TECPR2: variants seen among roughly 807,000 people sequenced by gnomAD.
The protein encoded by TECPR2 is tectonin beta-propeller repeat containing 2, also known as tectonin beta-propeller repeat-containing protein 2.
Under a neutral mutation model 138.1 loss-of-function variants are expected in TECPR2, and 65 were observed. That is an observed-to-expected ratio of 0.47 (90% CI 0.39 to 0.58). The LOEUF is 0.58. TECPR2 is among the 20% of genes least tolerant of loss of function. The probability of loss-of-function intolerance (pLI) is 0.00; values close to 1 mark genes in which losing one functional copy is unlikely to be tolerated. For synonymous variants in TECPR2, 746 were observed against 749.8 expected (o/e 0.99, Z 0.08); for missense variants, 1,553 against 1,824.5 (o/e 0.85, Z 2.71).
chr14:102,457,037 T>G (rs774554232), intron 16 of TECPR2, among the ~76,000 whole-genome samples: 4 of 152,106 alleles, frequency 2.6e-5, no homozygotes, highest in Non-Finnish European at 5.9e-5. Flanking sequence ...TTAGGCTCTC[T>G]CCAGGTATGG....
At position 102,376,671 on chromosome 14, in the gene TECPR2, C is replaced by T; in HGVS notation, c.-51C>T. On this transcript the variant is annotated 5_prime_UTR_variant, in exon 2 of 20. Coordinates refer to ENST00000359520, the MANE Select transcript of TECPR2 (RefSeq NM_014844.5). ...GTAGCCCCCAGGTTTCCCTAGATGACAAATAAACATTCCTTTTCCTGCGTG... is the reference window on the plus strand; with the variant it reads ...GTAGCCCCCAGGTTTCCCTAGATGATAAATAAACATTCCTTTTCCTGCGTG... 1.3e-6 allele frequency: 2 copies of T among 1,559,274 alleles called. No homozygotes were observed. The highest frequency in any genetic ancestry group is 1.8e-6 in the Non-Finnish European group (2 of 1,132,492).
chr14:102,386,241 G>A (rs1887998696), intron 2 of TECPR2, among the ~76,000 whole-genome samples: 2 of 152,102 alleles, frequency 1.3e-5, no homozygotes, highest in South Asian at 2.1e-4. Flanking sequence ...GGCCGAGGCA[G>A]GCAGATCATT....
In TECPR2 at chr14:102,393,849, C is replaced by T. The variant is rs1734200370; in HGVS notation, c.220-13489C>T. Among the ~76,000 whole-genome samples the T allele has an allele frequency of 3.3e-5, 5 of 152,238 alleles. No homozygotes were observed. In the South Asian group the frequency reaches 6.2e-4, roughly 19 times the overall value. The stretch of plus-strand genomic sequence containing the variant: ...TGCTGGGATTATAGGCATGAGCCAC[C>T]GCGCCTGGTCATGATCATTTTTATT... On this transcript the variant is annotated intron_variant, in intron 2 of 19. Coordinates refer to ENST00000359520, the MANE Select transcript of TECPR2 (RefSeq NM_014844.5).
rs1889597446 is a variant in TECPR2 at position 102,434,433 on chromosome 14, A to G, written c.1616A>G (p.Gln539Arg). 7.8e-6 allele frequency: 12 copies of G among 1,531,890 alleles called. No homozygotes were observed. Among genetic ancestry groups the G allele is most frequent in the Non-Finnish European group, 1.1e-5 (12 of 1,141,462 alleles). The allele number at this position is 1,531,890 out of a possible 1,614,324, so 94.9% of individuals were successfully genotyped here. The part of the protein sequence containing the change: ...SFNGEVNGVP[Q>R]ENTDPETFNV... ...AATGGTGAAGTGAACGGTGTCCCAC[A>G]GGAAAATACTGACCCCGAAACGTTT... Residue 539 changes from glutamine (Q) to arginine (R), a missense_variant, in exon 9 of 20, where the codon CAG becomes CGG. By Grantham distance (43) the Gln-to-Arg change is conservative. Transcript: ENST00000359520.
At chr14:102,365,664 A>C (rs1335824000) in intron 1 of TECPR2, among the ~76,000 whole-genome samples, 1 of 152,248 alleles carries the variant, frequency 6.6e-6, no homozygotes, top group Non-Finnish European at 1.5e-5. Context: ...AAATCTCCAG[A>C]ATAGGCGAAC....
At chr14:102,480,105 T>C (rs1890854228) in intron 17 of TECPR2, among the ~76,000 whole-genome samples, 1 of 152,146 alleles carries the variant, frequency 6.6e-6, no homozygotes, top group Admixed American at 6.6e-5. Context: ...AAGGGTCATA[T>C]CCACATTAGA....
At chr14:102,461,113 G>A (rs1369706536) in intron 16 of TECPR2, among the ~76,000 whole-genome samples, 2 of 152,150 alleles carry the variant, frequency 1.3e-5, no homozygotes, top group Non-Finnish European at 2.9e-5. Flanking sequence ...GTTGGCTGCT[G>A]AACCAAGTTG....
Position 102,365,358 on chromosome 14 carries a change from G to T in TECPR2, c.-73+2242G>T, listed in dbSNP as rs183027685. Among the ~76,000 whole-genome samples the T allele has an allele frequency of 5.4e-4, 83 of 152,314 alleles. 3 individuals are homozygous for T. Among genetic ancestry groups the T allele is most frequent in the Non-Finnish European group, 9.3e-4 (63 of 68,030 alleles). Reference sequence around the variant, plus strand: ...CCAAGTATCTGAGGGAATTTATGAAGGCTTCCTGGTGGCGGAGGACTAGTT... The same window carrying T: ...CCAAGTATCTGAGGGAATTTATGAATGCTTCCTGGTGGCGGAGGACTAGTT... On this transcript the variant is annotated intron_variant, in intron 1 of 19. Coordinates refer to ENST00000359520, the MANE Select transcript of TECPR2 (RefSeq NM_014844.5).
Position 102,363,000 on chromosome 14 carries a change from C to G in TECPR2, c.-189C>G. 9.4e-7 allele frequency: 1 copy of G among 1,067,492 alleles called. No individual in the cohort carries two copies. Among genetic ancestry groups the G allele is most frequent in the South Asian group, 1.5e-5 (1 of 67,878 alleles). 66.1% of individuals were successfully genotyped at this position (1,067,492 alleles called of 1,614,324 possible). On this transcript the variant is annotated 5_prime_UTR_variant, in exon 1 of 20. Coordinates refer to ENST00000359520, the MANE Select transcript of TECPR2 (RefSeq NM_014844.5). ...CCAGCTGCTGCTCTTCGGTGCTGGCCCCGGTGCCGGCCCCGTTGCCCAGGG... is the reference window on the plus strand; with the variant it reads ...CCAGCTGCTGCTCTTCGGTGCTGGCGCCGGTGCCGGCCCCGTTGCCCAGGG...
chr14:102,403,787 G>C (rs1888565610), intron 2 of TECPR2, among the ~76,000 whole-genome samples: 1 of 152,080 alleles, frequency 6.6e-6, no homozygotes, highest in African/African-American at 2.4e-5. Flanking sequence ...GCATTAAAAA[G>C]AATAAGGAGG....
intron 2 of TECPR2, among the ~76,000 whole-genome samples, chr14:102,399,372 A>G (rs987729551): frequency 1.3e-5 from 2 of 152,218 alleles, no homozygotes; most frequent in Admixed American, 1.3e-4. Context: ...TCTAATACCC[A>G]GCAAAACTGT....
intron 5 of TECPR2, among the ~76,000 whole-genome samples, chr14:102,423,156 G>T (rs1217693651): frequency 6.6e-6 from 1 of 152,176 alleles, no homozygotes; most frequent in Admixed American, 6.5e-5. Context: ...TTTTTGGCCA[G>T]GCGCAGTGGC....
At chr14:102,465,451 C>G (rs1890533753) in intron 17 of TECPR2, 162 bp downstream of exon 17, 11 of 1,408,156 alleles carry the variant, frequency 7.8e-6, no homozygotes, top group Non-Finnish European at 1.0e-5. Context: ...AACATCACAA[C>G]TGGAATTCGG....
At chr14:102,383,668 A>G (rs145939206) in intron 2 of TECPR2, among the ~76,000 whole-genome samples, 4,131 of 152,044 alleles carry the variant, frequency 0.027, 73 homozygotes, top group Middle Eastern at 0.085. Flanking sequence ...TCGGCCTCCT[A>G]AAGTGCTGGG....
intron 5 of TECPR2, among the ~76,000 whole-genome samples, chr14:102,416,004 T>G (rs1163347837): frequency 6.6e-6 from 1 of 152,238 alleles, no homozygotes; most frequent in African/African-American, 2.4e-5. Flanking sequence ...TTCTGGGCTT[T>G]GCGGCAACAC....
intron 9 of TECPR2, 62 bp downstream of exon 9, chr14:102,435,273 C>T: frequency 6.6e-7 from 1 of 1,507,336 alleles, no homozygotes; most frequent in Non-Finnish European, 8.8e-7. Context: ...TAATAATTGT[C>T]AAGACTGATT....
intron 17 of TECPR2, among the ~76,000 whole-genome samples, chr14:102,478,176 G>A (rs1890809166): frequency 6.6e-6 from 1 of 151,664 alleles, no homozygotes. Context: ...CTCCCAACTA[G>A]CTAGGACACT....
intron 18 of TECPR2, 165 bp from the exon 19 acceptor site, chr14:102,497,405 T>C (rs1891313519): frequency 7.4e-6 from 8 of 1,085,588 alleles, no homozygotes; most frequent in Non-Finnish European, 1.0e-5. Flanking sequence ...CCCTGCCAAC[T>C]GGTCGTCCTT....
At chr14:102,394,524 G>A (rs1228627292) in intron 2 of TECPR2, among the ~76,000 whole-genome samples, 1 of 152,128 alleles carries the variant, frequency 6.6e-6, no homozygotes, top group African/African-American at 2.4e-5. Flanking sequence ...GATCACTTGA[G>A]CCTGAGAGGT....
Sources: gnomAD v4.1 joint callset for allele counts (sites outside exome capture counted in the v4.1 genomes callset) on GRCh38, gnomAD v4.1.1 for gene constraint, MANE v1.5 for transcripts, NCBI Gene and HGNC (gene_info 2026-07-23, HGNC 2026-07-21) for gene names.